Variants in MED12L observed in about 807,000 individuals in gnomAD.
The protein encoded by MED12L is mediator of RNA polymerase II transcription subunit 12-like protein.
A neutral mutation model predicts 281.3 loss-of-function variants in MED12L; 60 were observed. The ratio of observed to expected loss-of-function variants is 0.21; its 90% confidence interval spans 0.17 to 0.26. MED12L has a LOEUF of 0.26. MED12L is among the 10% of genes least tolerant of loss of function. MED12L has a pLI of 1.00. For missense variants in MED12L, 2,146 were observed against 2,680.9 expected, an observed-to-expected ratio of 0.80 and a Z score of 4.41; for synonymous variants, 974 against 987.2, an observed-to-expected ratio of 0.99 and a Z score of 0.25.
intron 16 of MED12L, chr3:151,213,902 T>A: frequency 6.2e-7 from 1 of 1,614,124 alleles, no homozygotes. Context: ...GACAGAAGTT[T>A]GCTGTAACTC....
At chr3:151,180,803 G>C (rs1157205262) in intron 11 of MED12L, among the ~76,000 whole-genome samples, 1 of 152,142 alleles carries the variant, frequency 6.6e-6, no homozygotes, top group Non-Finnish European at 1.5e-5. Flanking sequence ...CACAGACTTG[G>C]AATTCCAGTG....
In MED12L at chr3:151,241,638, A is replaced by G. The variant is rs142134276; in HGVS notation, c.2250+47972A>G. ...TATGTGTGTGTGTATATACACACAC[A>G]GTAGGATATTTTATATATGTATATA... On this transcript the variant is annotated intron_variant, in intron 16 of 44. Transcript: ENST00000687756. Among the ~76,000 whole-genome samples, 7 of 152,302 alleles carry G rather than the reference A, an allele frequency of 4.6e-5. No individual in the cohort carries two copies. The East Asian group carries it at 1.3e-3, about 29-fold the overall frequency.
rs920750215 is a variant in MED12L, at chr3:151,269,929, G to A, written c.2250+76263G>A. 10 of 435,688 alleles carry A rather than the reference G, an allele frequency of 2.3e-5. 1 individual carries two copies. The highest frequency in any genetic ancestry group is 1.6e-4 in the African/African-American group (8 of 48,568). The allele number at this position is 435,688 out of a possible 1,614,324, so 27.0% of individuals were successfully genotyped here. Reference sequence around the variant, plus strand: ...GTTCTGATGCAGGTGTTGTTGAGTTGGGAGAGTTCATCAAAGATAATACTT... The same window carrying A: ...GTTCTGATGCAGGTGTTGTTGAGTTAGGAGAGTTCATCAAAGATAATACTT... On this transcript the variant is annotated intron_variant, in intron 16 of 44. Coordinates refer to ENST00000687756, the MANE Select transcript of MED12L (RefSeq NM_001393769.1).
chr3:151,384,018 A>G, intron 34 of MED12L, 65 bp from the exon 35 acceptor site: 1 of 1,541,844 alleles, frequency 6.5e-7, no homozygotes, highest in Non-Finnish European at 8.8e-7. Context: ...TTGAATAAAA[A>G]TACTCAGTTA....
At chr3:151,095,327 C>T (rs1030652617) in intron 2 of MED12L, among the ~76,000 whole-genome samples, 5 of 152,088 alleles carry the variant, frequency 3.3e-5, no homozygotes, top group African/African-American at 1.2e-4. Context: ...CAAATGAGAA[C>T]TTAATTTCAT....
chr3:151,287,370 C>T (rs1743672974), intron 16 of MED12L, among the ~76,000 whole-genome samples: 1 of 152,102 alleles, frequency 6.6e-6, no homozygotes, highest in Admixed American at 6.5e-5. Context: ...GGTACCAGGC[C>T]AGGCAGGGCA....
intron 2 of MED12L, among the ~76,000 whole-genome samples, chr3:151,092,219 C>T (rs1225092618): frequency 2.0e-5 from 3 of 151,906 alleles, no homozygotes; most frequent in African/African-American, 4.8e-5. Context: ...GTTCTTAGCT[C>T]GGAAACTCCC....
intron 16 of MED12L, among the ~76,000 whole-genome samples, chr3:151,291,150 G>GTTTTTTTTTT (rs59482240): frequency 3.1e-5 from 4 of 127,518 alleles, no homozygotes; most frequent in Admixed American, 7.8e-5. Context: ...CTTGTTTTCT[G>GTTTTTTTTTT]TTTTTTTTTT....
chr3:151,365,616 C>G (rs1192293057), intron 22 of MED12L, among the ~76,000 whole-genome samples: 1 of 152,082 alleles, frequency 6.6e-6, no homozygotes, highest in African/African-American at 2.4e-5. Flanking sequence ...TATTCTAATT[C>G]GTGTATGTAC....
intron 16 of MED12L, among the ~76,000 whole-genome samples, chr3:151,298,888 C>T (rs1004429016): frequency 2.0e-5 from 3 of 152,196 alleles, no homozygotes; most frequent in Non-Finnish European, 4.4e-5. Flanking sequence ...CCACATCTGG[C>T]TACTGTATTG....
chr3:151,132,956 G>A (rs941687247), intron 5 of MED12L, among the ~76,000 whole-genome samples: 3 of 152,230 alleles, frequency 2.0e-5, no homozygotes, highest in South Asian at 2.1e-4. Context: ...ACATATATAT[G>A]TGTTGAATTG....
At chr3:151,211,409 G>A (rs1440679711) in intron 16 of MED12L, among the ~76,000 whole-genome samples, 3 of 75,624 alleles carry the variant, frequency 4.0e-5, no homozygotes, top group Admixed American at 1.4e-4. Flanking sequence ...TTTTTTTTTT[G>A]CAGATGTAGT....
chr3:151,203,453 A>G (rs1725937517), intron 16 of MED12L, among the ~76,000 whole-genome samples: 2 of 151,906 alleles, frequency 1.3e-5, no homozygotes, highest in African/African-American at 2.4e-5. Context: ...TTTGTGTCAT[A>G]ATGATTTCAA....
At chr3:151,280,886 C>T (rs1644664497) in intron 16 of MED12L, among the ~76,000 whole-genome samples, 2 of 151,494 alleles carry the variant, frequency 1.3e-5, no homozygotes, top group African/African-American at 4.9e-5. Context: ...AAAATAGAGC[C>T]TCAGAAAATT....
At chr3:151,265,712 AG>A (rs1739697533) in intron 16 of MED12L, among the ~76,000 whole-genome samples, 1 of 152,192 alleles carries the variant, frequency 6.6e-6, no homozygotes, top group Admixed American at 6.5e-5. Context: ...CTGGGGTTCC[AG>A]GGAGACGGAT....
intron 16 of MED12L, chr3:151,294,209 C>A (rs756829192): frequency 6.2e-7 from 1 of 1,611,714 alleles, no homozygotes; most frequent in Non-Finnish European, 8.5e-7. Context: ...AACTTCCGAT[C>A]TTCTCACACT....
intron 43 of MED12L, among the ~76,000 whole-genome samples, chr3:151,416,817 A>T (rs1050569996): frequency 4.6e-5 from 7 of 152,308 alleles, no homozygotes; most frequent in Admixed American, 3.9e-4. Context: ...CTAAAATATT[A>T]TCTATTATCT....
chr3:151,226,895 C>T (rs561414001), intron 16 of MED12L, among the ~76,000 whole-genome samples: 9 of 152,116 alleles, frequency 5.9e-5, no homozygotes, highest in Admixed American at 1.3e-4. Context: ...CAACAGGTAA[C>T]GTTAACCTAT....
intron 16 of MED12L, among the ~76,000 whole-genome samples, chr3:151,334,843 G>A (rs1750778787): frequency 6.6e-6 from 1 of 152,000 alleles, no homozygotes; most frequent in Admixed American, 6.6e-5. Flanking sequence ...AAAATACTTA[G>A]GTTTTGTGAG....
Sources: allele counts gnomAD v4.1 joint callset (sites outside exome capture counted in the v4.1 genomes callset), GRCh38; gene constraint gnomAD v4.1.1; transcripts MANE v1.5; gene names NCBI Gene and HGNC (gene_info 2026-07-23, HGNC 2026-07-21).